Variants in RDH10 observed in about 807,000 individuals in gnomAD.
RDH10 encodes retinol dehydrogenase 10.
Under a neutral mutation model 30.2 loss-of-function variants are expected in RDH10, and 12 were observed. The ratio of observed to expected loss-of-function variants is 0.40; its 90% CI spans 0.25 to 0.64. RDH10 has a LOEUF of 0.64. Ranked by LOEUF, RDH10 falls within the 30% of genes least tolerant of loss-of-function variation. RDH10 has a pLI of 0.43. For synonymous variants in RDH10, 189 were observed against 172.2 expected, an observed-to-expected ratio of 1.10 and a Z score of -0.76; for missense variants, 268 against 445.2, an observed-to-expected ratio of 0.60 and a Z score of 3.58.
intron 3 of RDH10, 74 bp downstream of exon 3, chr8:73,319,268 A>G: frequency 1.0e-6 from 1 of 986,272 alleles, no homozygotes; most frequent in South Asian, 1.4e-5. Flanking sequence ...CCTCCAGGAG[A>G]GCACCTGCTG....
chr8:73,309,610 C>CTTTTTTTTTT (rs5892406), intron 2 of RDH10, among the ~76,000 whole-genome samples: 5 of 120,554 alleles, frequency 4.1e-5, no homozygotes, highest in African/African-American at 6.1e-5. Flanking sequence ...AAGTTGTTGC[C>CTTTTTTTTTT]TTTTTTTTTT....
chr8:73,306,493 A>G (rs1814464986), intron 2 of RDH10, among the ~76,000 whole-genome samples: 1 of 152,262 alleles, frequency 6.6e-6, no homozygotes, highest in South Asian at 2.1e-4. Context: ...GGGGGAAAAA[A>G]TGAATATCCT....
At chr8:73,320,753 T>G (rs180917577) in intron 3 of RDH10, among the ~76,000 whole-genome samples, 179 bp from the exon 4 acceptor site, 15 of 152,334 alleles carry the variant, frequency 9.8e-5, no homozygotes, top group Admixed American at 3.9e-4. Flanking sequence ...ATTACAGGCA[T>G]GAGCCACTAT....
At chr8:73,305,484 T>A (rs1814450868) in intron 2 of RDH10, among the ~76,000 whole-genome samples, 1 of 152,234 alleles carries the variant, frequency 6.6e-6, no homozygotes, top group South Asian at 2.1e-4. Flanking sequence ...TAAGCCTCTT[T>A]CAATTATGGT....
chr8:73,310,137 G>C (rs1814538382), intron 2 of RDH10, among the ~76,000 whole-genome samples: 2 of 152,190 alleles, frequency 1.3e-5, no homozygotes, highest in Admixed American at 1.3e-4. Flanking sequence ...CTGATTTATA[G>C]GAAAGTTGCC....
In RDH10 at chr8:73,320,938, T is replaced by C; in HGVS notation, c.631T>C (p.Cys211Arg). ...TCTCCCCTCTTTAACTCAGGATTAC[T>C]GTGCCAGTAAATTTGGAGTTGTGGG... ...LFSTAGVEDY[C>R]ASKFGVVGFH... Residue 211 changes from cysteine (C) to arginine (R), a missense_variant, in exon 4 of 6, where the codon TGT (cysteine) becomes CGT (arginine). Cys to Arg is a radical substitution (Grantham distance 180). Coordinates refer to ENST00000240285, the MANE Select transcript of RDH10 (RefSeq NM_172037.5). 6.2e-7 allele frequency: 1 copy of C among 1,614,168 alleles called. No individual in the cohort carries two copies. Among genetic ancestry groups the C allele is most frequent in the Non-Finnish European group, 8.5e-7 (1 of 1,179,994 alleles).
chr8:73,321,967 T>C (rs1171726247), intron 4 of RDH10: 3 of 456,226 alleles, frequency 6.6e-6, no homozygotes, highest in Admixed American at 2.3e-5. Context: ...TGAACATGTG[T>C]GTGTGTTGGT....
intron 4 of RDH10, among the ~76,000 whole-genome samples, chr8:73,321,485 C>T (rs751794699): frequency 6.6e-6 from 1 of 152,114 alleles, no homozygotes; most frequent in Non-Finnish European, 1.5e-5. Flanking sequence ...GAGTAACGTG[C>T]CTTTCTTCTG....
At chr8:73,318,157 G>A (rs901897352) in intron 2 of RDH10, among the ~76,000 whole-genome samples, 12 of 152,204 alleles carry the variant, frequency 7.9e-5, no homozygotes, top group Non-Finnish European at 1.3e-4. Flanking sequence ...TTAAGAAGCA[G>A]GTTATAAAAC....
chr8:73,299,993 G>A (rs1357872669), intron 2 of RDH10, among the ~76,000 whole-genome samples: 1 of 152,130 alleles, frequency 6.6e-6, no homozygotes, highest in Non-Finnish European at 1.5e-5. Context: ...GTATACCAGG[G>A]AGGAGCATAG....
At chr8:73,315,360 G>T in intron 2 of RDH10, 1 of 227,684 alleles carries the variant, frequency 4.4e-6, no homozygotes, top group Non-Finnish European at 9.2e-6. Context: ...GGGTCCCACA[G>T]GTGGAAGTGT....
rs1040689593 is a variant in RDH10 at position 73,323,504 on chromosome 8, T to C, written c.*468T>C. ...TTCTAAGTTTCCGTTTTGCAAGGCC[T>C]AGGTGACTTTTTCATGGTGTTTGTA... On this transcript the variant is annotated 3_prime_UTR_variant, in exon 6 of 6. Transcript: ENST00000240285. 4 of 157,952 alleles carry C rather than the reference T, an allele frequency of 2.5e-5. No individual in the cohort carries two copies. Among genetic ancestry groups the C allele is most frequent in the African/African-American group, 4.8e-5 (2 of 41,482 alleles). 9.8% of individuals were successfully genotyped at this position (157,952 alleles called of 1,614,324 possible).
rs1814843420 is a variant in RDH10 at position 73,324,912 on chromosome 8, T to C, written c.*1876T>C. The C allele has an allele frequency of 6.6e-6, 1 of 152,226 alleles. No homozygotes were observed. Among genetic ancestry groups the C allele is most frequent in the African/African-American group, 2.4e-5 (1 of 41,454 alleles). 9.4% of individuals were successfully genotyped at this position (152,226 alleles called of 1,614,324 possible). ...GGACTTGAGGAAGAGCTCTGTTATA[T>C]GTTTCCATTTCTCTTTATCAAAGAT... On this transcript the variant is annotated 3_prime_UTR_variant, in exon 6 of 6. Transcript: ENST00000240285.
At chr8:73,307,901 C>A (rs2130366167) in intron 2 of RDH10, among the ~76,000 whole-genome samples, 1 of 152,314 alleles carries the variant, frequency 6.6e-6, no homozygotes, top group South Asian at 2.1e-4. Flanking sequence ...GTAGATTAGA[C>A]AAGCATGTAA....
rs1814795348 is a variant in RDH10, at chr8:73,322,942, T to C, written c.932T>C (p.Met311Thr). 2 of 1,614,066 alleles carry C rather than the reference T, an allele frequency of 1.2e-6. No individual in the cohort carries two copies. The highest frequency in any genetic ancestry group is 1.3e-5 in the African/African-American group (1 of 74,934). The change falls in exon 6 of 6, where the codon ATG becomes ACG. Residue 311 changes from methionine (M) to threonine (T), a missense_variant. Met to Thr is a moderately conservative substitution (Grantham distance 81). Coordinates refer to ENST00000240285, the MANE Select transcript of RDH10 (RefSeq NM_172037.5). ...CTACCATTTGAAGCAGTTGTGTGCA[T>C]GTATCGGTTCCTAGGAGCGGACAAG... ...SILPFEAVVC[M>T]YRFLGADKCM...
Position 73,322,947 on chromosome 8 carries a change from C to A in RDH10, c.937C>A (p.Arg313=). Residue 313 remains arginine (R), a synonymous_variant, in exon 6 of 6, where the codon CGG becomes AGG. Transcript: ENST00000240285. ...ATTTGAAGCAGTTGTGTGCATGTAT[C>A]GGTTCCTAGGAGCGGACAAGTGTAT... ...LPFEAVVCMY[R]FLGADKCMYP... is the part of the protein sequence containing the mutation. The A allele has an allele frequency of 6.2e-7, 1 of 1,614,040 alleles. No homozygotes were observed.
intron 2 of RDH10, among the ~76,000 whole-genome samples, chr8:73,298,712 G>GTATTTT (rs1814322736): frequency 6.6e-6 from 1 of 152,070 alleles, no homozygotes; most frequent in South Asian, 2.1e-4. Flanking sequence ...TATTTTAGTA[G>GTATTTT]AGATGGGGTT....
intron 3 of RDH10, among the ~76,000 whole-genome samples, chr8:73,319,484 C>T (rs1814728305): frequency 6.6e-6 from 1 of 152,156 alleles, no homozygotes; most frequent in Non-Finnish European, 1.5e-5. Context: ...ATGGTGGCAC[C>T]ACTGCACTTC....
chr8:73,308,054 C>T (rs1003529247), intron 2 of RDH10, among the ~76,000 whole-genome samples: 5 of 152,146 alleles, frequency 3.3e-5, no homozygotes, highest in African/African-American at 9.7e-5. Flanking sequence ...GTGCATCCTT[C>T]GTCACCCAGC....
Sources: allele counts gnomAD v4.1 joint callset (sites outside exome capture counted in the v4.1 genomes callset), GRCh38; gene constraint gnomAD v4.1.1; transcripts MANE v1.5; gene names NCBI Gene and HGNC (gene_info 2026-07-23, HGNC 2026-07-21).